Variants in MYO18A observed in about 807,000 individuals in gnomAD.
MYO18A encodes the protein myosin XVIIIA, also known as unconventional myosin-XVIIIa.
Under a neutral mutation model 235.8 loss-of-function variants are expected in MYO18A, and 78 were observed. The observed-to-expected ratio is 0.33, with a 90% CI of 0.28 to 0.40. The LOEUF (loss-of-function observed/expected upper bound fraction) is 0.40, where lower values mean the gene tolerates loss of function less well. Among genes scored for constraint, MYO18A ranks in the 10% least tolerant of loss-of-function variants. The pLI, the probability that MYO18A is intolerant of heterozygous loss-of-function variation, is 1.00. For synonymous variants in MYO18A, 977 were observed against 1,077.8 expected (o/e 0.91, Z 1.83); for missense variants, 2,215 against 2,699.3 (o/e 0.82, Z 3.98).
chr17:29,148,311 G>A (rs531576413), intron 2 of MYO18A, among the ~76,000 whole-genome samples: 1 of 152,300 alleles, frequency 6.6e-6, no homozygotes, highest in East Asian at 1.9e-4. Flanking sequence ...CAAATTTGCG[G>A]TGTGTAAAGT....
rs2066777220 is a variant in MYO18A, at chr17:29,106,048, G to A, written c.3441+1032C>T. 6.6e-6 allele frequency among the ~76,000 whole-genome samples: 1 copy of A among 152,144 alleles called. No individual in the cohort carries two copies. The highest frequency in any genetic ancestry group is 6.6e-5 in the Admixed American group (1 of 15,244). The stretch of plus-strand genomic sequence containing the variant: ...AGAGAAATGGAGTGTGATCCAGAAA[G>A]AGAGGTTCTGATGGAGCCAGAGAGC... On this transcript the variant is annotated intron_variant, in intron 20 of 41. Transcript: ENST00000527372. The surrounding 1 kb of genome is among the most constrained non-coding windows in gnomAD (Gnocchi z 4.6).
At chr17:29,145,188 T>A (rs951123686) in intron 2 of MYO18A, among the ~76,000 whole-genome samples, 2 of 152,110 alleles carry the variant, frequency 1.3e-5, no homozygotes, top group African/African-American at 4.8e-5. Flanking sequence ...TTCCTTTATA[T>A]CCCATCCCGT....
rs757541208 is a variant in MYO18A at position 29,097,234 on chromosome 17, G to T, written c.4219C>A (p.Leu1407Met). ...LEVEQQNKRQ[L>M]ERRLGDLQAD... ...CTCCCCAGCCTCACCCGCCGTTCCAGCTGCCTCTTGTTCTGCTGCTCCACC... is the reference window on the plus strand; with the variant it reads ...CTCCCCAGCCTCACCCGCCGTTCCATCTGCCTCTTGTTCTGCTGCTCCACC... The change falls in exon 27 of 42, where the codon CTG (leucine) becomes ATG (methionine). Residue 1407 changes from leucine to methionine, a missense_variant. Leu to Met is a conservative substitution (Grantham distance 15). Transcript: ENST00000527372. The T allele has an allele frequency of 6.2e-7, 1 of 1,610,040 alleles. No individual in the cohort carries two copies. The highest frequency in any genetic ancestry group is 2.2e-5 in the East Asian group (1 of 44,880).
At chr17:29,173,780 A>ATT (rs892147417) in intron 1 of MYO18A, among the ~76,000 whole-genome samples, 1 of 151,626 alleles carries the variant, frequency 6.6e-6, no homozygotes, top group African/African-American at 2.4e-5. Flanking sequence ...AAAAAAAAAA[A>ATT]TTTTTTTAAG....
chr17:29,073,872 T>G lies in MYO18A; in HGVS notation c.*898A>C, dbSNP rs1369484956. The G allele has an allele frequency of 6.3e-7, 1 of 1,594,120 alleles. No homozygotes were observed. Among genetic ancestry groups the G allele is most frequent in the African/African-American group, 1.3e-5 (1 of 74,544 alleles). ...AGTCCTCAACCCCAAGCCTTCCCTC[T>G]CAAGTTGAGTTTATGGTCCAGACCA... On this transcript the variant is annotated 3_prime_UTR_variant, in exon 42 of 42. Coordinates refer to ENST00000527372, the MANE Select transcript of MYO18A (RefSeq NM_078471.4).
intron 2 of MYO18A, among the ~76,000 whole-genome samples, chr17:29,149,799 T>C (rs1014341686): frequency 1.3e-5 from 2 of 152,212 alleles, no homozygotes; most frequent in African/African-American, 2.4e-5. Context: ...TGAGCCAGCC[T>C]TGAGGATCCT....
rs2067709776 is a variant in MYO18A, at chr17:29,140,410, A to G, written c.1000-18157T>C. On this transcript the variant is annotated intron_variant, in intron 2 of 41. Coordinates refer to ENST00000527372, the MANE Select transcript of MYO18A (RefSeq NM_078471.4). This position sits in a 1 kb window ranked among gnomAD's most constrained non-coding sequence, Gnocchi z 4.2. Reference sequence around the variant, plus strand: ...CTGATGCTGCTCTGGCTCCGTTAGCAGCTCAAAATAGCACAGGCTGTGGCC... The same window carrying G: ...CTGATGCTGCTCTGGCTCCGTTAGCGGCTCAAAATAGCACAGGCTGTGGCC... 2 of 1,281,922 alleles carry G rather than the reference A, an allele frequency of 1.6e-6. No homozygotes were observed. Among genetic ancestry groups the G allele is most frequent in the Non-Finnish European group, 2.0e-6 (2 of 985,270 alleles). The allele number at this position is 1,281,922 out of a possible 1,614,324, so 79.4% of individuals were successfully genotyped here. A position where few individuals can be genotyped will look rare whatever the true frequency, so the allele number is the denominator to read the frequency against.
chr17:29,091,318 G>C (rs563650567), intron 34 of MYO18A: 1 of 326,506 alleles, frequency 3.1e-6, no homozygotes, highest in African/African-American at 2.2e-5. Flanking sequence ...AGTCTGCGAA[G>C]GTCTCCTGGC....
chr17:29,109,986 C>G lies in MYO18A; in HGVS notation c.3203G>C (p.Ser1068Thr), dbSNP rs2066889277. 2 of 1,612,344 alleles carry G rather than the reference C, an allele frequency of 1.2e-6. No homozygotes were observed. Among genetic ancestry groups the G allele is most frequent in the Non-Finnish European group, 1.7e-6 (2 of 1,179,408 alleles). ...PRSASSRRVS[S>T]SSELDLPSGD... ...CGAGGGCAGGTCCAGCTCACTGCTGCTGCTGACTCGGCGGGAGGAGGCGGA... is the reference window on the plus strand; with the variant it reads ...CGAGGGCAGGTCCAGCTCACTGCTGGTGCTGACTCGGCGGGAGGAGGCGGA... Residue 1068 changes from serine (S) to threonine (T), a missense_variant, in exon 19 of 42, where the codon AGC becomes ACC. Physicochemically the swap from Ser to Thr is moderately conservative, Grantham distance 58. Transcript: ENST00000527372. The surrounding 1 kb of genome is among the most constrained non-coding windows in gnomAD (Gnocchi z 4.1).
chr17:29,111,578 T>G lies in MYO18A; in HGVS notation c.2746A>C (p.Ser916Arg). Residue 916 changes from serine (S) to arginine (R), a missense_variant, in exon 17 of 42, where the codon AGC becomes CGC. By Grantham distance (110) the Ser-to-Arg change is moderately radical. Transcript: ENST00000527372. The surrounding 1 kb of genome is among the most constrained non-coding windows in gnomAD (Gnocchi z 5.1). ...GPQEGDKKGQ[S>R]PLLHSSKPHH... is the part of the protein sequence containing the mutation. ...GGTTTGCTGCTGTGCAGAAGGGGGC[T>G]TTGGCCTGATGGTGGGAGAAGCAAG... 12 of 1,613,786 alleles carry G rather than the reference T, an allele frequency of 7.4e-6. No individual in the cohort carries two copies. The highest frequency in any genetic ancestry group is 8.5e-6 in the Non-Finnish European group (10 of 1,179,818).
chr17:29,094,363 TGGCTGGGTAGCA>T, intron 30 of MYO18A: 1 of 599,370 alleles, frequency 1.7e-6, no homozygotes, highest in South Asian at 2.0e-5. Context: ...ACTGACTTGG[TGGCTGGGTAGCA>T]GGCTGGGTGG....
At chr17:29,157,199 CTCT>C (rs1356456245) in intron 2 of MYO18A, among the ~76,000 whole-genome samples, 1 of 152,214 alleles carries the variant, frequency 6.6e-6, no homozygotes, top group Non-Finnish European at 1.5e-5. Context: ...GGTGCCACTT[CTCT>C]TCTTAAGGCG....
intron 22 of MYO18A, among the ~76,000 whole-genome samples, chr17:29,099,348 G>C (rs1308242260): frequency 6.6e-6 from 1 of 152,194 alleles, no homozygotes; most frequent in Non-Finnish European, 1.5e-5. Flanking sequence ...AAGAAAAGGA[G>C]TCACTGACAC....
At chr17:29,089,699 G>T (rs1220573730) in intron 37 of MYO18A, among the ~76,000 whole-genome samples, 2 of 152,202 alleles carry the variant, frequency 1.3e-5, no homozygotes, top group African/African-American at 4.8e-5. Flanking sequence ...AGGAAAATAT[G>T]AAGACGAAGA....
At chr17:29,116,366 C>T (rs1322590483) in intron 11 of MYO18A, 78 bp downstream of exon 11, 16 of 1,567,654 alleles carry the variant, frequency 1.0e-5, no homozygotes, top group East Asian at 4.5e-5. Flanking sequence ...GGGAACAGCC[C>T]GCACAGACAT....
chr17:29,130,927 G>A (rs917773891), intron 2 of MYO18A, among the ~76,000 whole-genome samples: 18 of 152,174 alleles, frequency 1.2e-4, no homozygotes, highest in African/African-American at 4.1e-4. Context: ...CTACAGTGAA[G>A]TCCCTCCATG....
chr17:29,153,840 A>AG (rs2068006085), intron 2 of MYO18A, among the ~76,000 whole-genome samples: 1 of 152,236 alleles, frequency 6.6e-6, no homozygotes, highest in South Asian at 2.1e-4. Flanking sequence ...CAAAGGGTAG[A>AG]GGACCCTTTA....
chr17:29,169,445 C>A (rs1006724834), intron 1 of MYO18A, among the ~76,000 whole-genome samples: 7 of 152,090 alleles, frequency 4.6e-5, no homozygotes, highest in Non-Finnish European at 1.5e-5. Context: ...GGGGCCTTGG[C>A]CAGGTAGGTC....
chr17:29,078,236 C>G (rs1345966205), intron 41 of MYO18A: 3 of 152,216 alleles, frequency 2.0e-5, no homozygotes, highest in South Asian at 2.1e-4. Context: ...AGGCTGGTCT[C>G]AACTCCTAAC....
Sources: gnomAD v4.1 joint callset for allele counts (sites outside exome capture counted in the v4.1 genomes callset) on GRCh38, gnomAD v4.1.1 for gene constraint, Gnocchi (gnomAD v3.1) non-coding constraint, MANE v1.5 for transcripts, NCBI Gene and HGNC (gene_info 2026-07-23, HGNC 2026-07-21) for gene names.